The following AGBL4 variants were observed in gnomAD, a reference collection of about 807,000 sequenced individuals.
AGBL4 encodes AGBL carboxypeptidase 4.
A neutral mutation model predicts 66.4 loss-of-function variants in AGBL4; 58 were observed. That is an observed-to-expected ratio of 0.87 (90% CI 0.71 to 1.09). The LOEUF is 1.09. Among genes scored for constraint, AGBL4 ranks in the 50% least tolerant of loss-of-function variants. The pLI, the probability that AGBL4 is intolerant of heterozygous loss-of-function variation, is 0.00. For missense variants in AGBL4, 579 were observed against 631.0 expected, an observed-to-expected ratio of 0.92 and a Z score of 0.88; for synonymous variants, 234 against 222.9, an observed-to-expected ratio of 1.05 and a Z score of -0.44.
At chr1:48,911,388 C>T (rs542306842) in intron 5 of AGBL4, among the ~76,000 whole-genome samples, 4 of 152,028 alleles carry the variant, frequency 2.6e-5, no homozygotes, top group South Asian at 2.1e-4. Context: ...GAGGCTGAGG[C>T]GGGTGGATCA....
At chr1:48,588,133 T>C (rs1644853822) in intron 10 of AGBL4, among the ~76,000 whole-genome samples, 1 of 152,134 alleles carries the variant, frequency 6.6e-6, no homozygotes, top group Non-Finnish European at 1.5e-5. Context: ...AGATTGCTCA[T>C]AGAGGTGGAG....
intron 1 of AGBL4, among the ~76,000 whole-genome samples, chr1:49,965,353 T>G (rs1299225787): frequency 2.0e-5 from 3 of 152,180 alleles, no homozygotes; most frequent in Non-Finnish European, 4.4e-5. Context: ...GCCCTGATTT[T>G]CAGCTACAGG....
chr1:49,182,309 A>C (rs576875243), intron 4 of AGBL4, among the ~76,000 whole-genome samples: 5 of 152,346 alleles, frequency 3.3e-5, no homozygotes, highest in African/African-American at 1.2e-4. Flanking sequence ...ATAAACTATA[A>C]ATTCTACCAT....
intron 5 of AGBL4, among the ~76,000 whole-genome samples, chr1:48,966,171 C>T (rs1658399806): frequency 6.6e-6 from 1 of 152,072 alleles, no homozygotes; most frequent in African/African-American, 2.4e-5. Flanking sequence ...GGACGTCAAC[C>T]CATGCTTTCT....
At chr1:48,776,798 C>T (rs994330625) in intron 6 of AGBL4, 1 of 1,524,136 alleles carries the variant, frequency 6.6e-7, no homozygotes, top group Admixed American at 2.1e-5. Context: ...GCGTAGCAGA[C>T]GTTGTCCTCC....
intron 3 of AGBL4, among the ~76,000 whole-genome samples, chr1:49,622,770 G>A (rs1347150068): frequency 6.6e-6 from 1 of 151,474 alleles, no homozygotes; most frequent in Non-Finnish European, 1.5e-5. Context: ...CAGAAAATGC[G>A]AGCCATCATC....
chr1:49,000,929 A>G (rs986657189), intron 5 of AGBL4, among the ~76,000 whole-genome samples: 2 of 152,204 alleles, frequency 1.3e-5, no homozygotes, highest in Non-Finnish European at 2.9e-5. Flanking sequence ...ACTTAGGAGT[A>G]ATAGAGGACA....
At chr1:48,722,077 A>T (rs1341134331) in intron 6 of AGBL4, among the ~76,000 whole-genome samples, 1 of 129,538 alleles carries the variant, frequency 7.7e-6, no homozygotes, top group African/African-American at 3.0e-5. Context: ...GAAAATTGAC[A>T]ACTTGGCATA....
chr1:49,591,557 T>G (rs1482659793), intron 3 of AGBL4, among the ~76,000 whole-genome samples: 1 of 152,058 alleles, frequency 6.6e-6, no homozygotes, highest in Non-Finnish European at 1.5e-5. Context: ...AAACTACCAA[T>G]GACATTCTTC....
At position 49,671,629 on chromosome 1, in the gene AGBL4, A is replaced by T. The variant is rs368661702; in HGVS notation, c.282+25684T>A. Among the ~76,000 whole-genome samples the T allele has an allele frequency of 2.6e-5, 4 of 152,266 alleles. No homozygotes were observed. In the East Asian group the frequency reaches 7.7e-4, roughly 29 times the overall value. On this transcript the variant is annotated intron_variant, in intron 3 of 13. Coordinates refer to ENST00000371839, the MANE Select transcript of AGBL4 (RefSeq NM_032785.4). ...CCAGCATCTAAAAAGAACTTAAACA[A>T]ATTTACAAGAGAAAATAAAACAACC... is the stretch of plus-strand genomic sequence containing the variant.
chr1:49,068,267 C>A (rs999377737), intron 4 of AGBL4, among the ~76,000 whole-genome samples: 1 of 151,352 alleles, frequency 6.6e-6, no homozygotes, highest in Non-Finnish European at 1.5e-5. Flanking sequence ...TTCTGGGGTA[C>A]ATGTGCACAA....
chr1:50,004,333 G>A (rs904724700), intron 1 of AGBL4, among the ~76,000 whole-genome samples: 2 of 152,152 alleles, frequency 1.3e-5, no homozygotes, highest in African/African-American at 4.8e-5. Flanking sequence ...GGGCTCTGGT[G>A]TACTAAATAA....
At chr1:49,614,123 A>AT (rs981896896) in intron 3 of AGBL4, among the ~76,000 whole-genome samples, 10 of 152,100 alleles carry the variant, frequency 6.6e-5, no homozygotes, top group Non-Finnish European at 7.4e-5. Context: ...ACATATCTTG[A>AT]TTTTTTAAAG....
chr1:48,942,079 A>C (rs1014861813), intron 5 of AGBL4, among the ~76,000 whole-genome samples: 1 of 152,180 alleles, frequency 6.6e-6, no homozygotes, highest in Non-Finnish European at 1.5e-5. Context: ...CATGTTTCCA[A>C]GTTAGTAATC....
intron 1 of AGBL4, among the ~76,000 whole-genome samples, chr1:49,885,427 A>G (rs1459996774): frequency 6.6e-6 from 1 of 151,924 alleles, no homozygotes; most frequent in Non-Finnish European, 1.5e-5. Context: ...CATTTTATAA[A>G]ATCTTTCCAT....
chr1:49,974,207 T>C (rs1258547186), intron 1 of AGBL4, among the ~76,000 whole-genome samples: 3 of 152,010 alleles, frequency 2.0e-5, no homozygotes, highest in African/African-American at 7.2e-5. Flanking sequence ...AGACAAGTTA[T>C]AGGAAGCTCA....
At chr1:49,641,764 C>T (rs1423913198) in intron 3 of AGBL4, among the ~76,000 whole-genome samples, 1 of 151,936 alleles carries the variant, frequency 6.6e-6, no homozygotes, top group Admixed American at 6.6e-5. Flanking sequence ...GCTGATGATG[C>T]TATTATTGCT....
chr1:49,303,677 C>T (rs1419399147), intron 3 of AGBL4, among the ~76,000 whole-genome samples: 2 of 151,688 alleles, frequency 1.3e-5, no homozygotes, highest in South Asian at 2.1e-4. Context: ...AGTTTCACCA[C>T]GTTGGCAAAG....
intron 6 of AGBL4, among the ~76,000 whole-genome samples, chr1:48,686,038 T>G (rs145173762): frequency 2.0e-5 from 3 of 152,318 alleles, no homozygotes; most frequent in African/African-American, 7.2e-5. Context: ...TTTATGTAAC[T>G]GTTTCATTGA....
Sources: allele counts gnomAD v4.1 joint callset (sites outside exome capture counted in the v4.1 genomes callset), GRCh38; gene constraint gnomAD v4.1.1; transcripts MANE v1.5; gene names NCBI Gene and HGNC (gene_info 2026-07-23, HGNC 2026-07-21).